The following DNALI1 variants were observed in gnomAD, a reference collection of about 807,000 sequenced individuals.
The protein encoded by DNALI1 is axonemal dynein light intermediate polypeptide 1.
DNALI1 carries 31 observed loss-of-function variants against 33.9 expected under a neutral mutation model. The observed-to-expected ratio is 0.91, with a 90% CI of 0.69 to 1.23. DNALI1 has a LOEUF of 1.23. Ranked by LOEUF, DNALI1 falls within the 50% of genes most tolerant of loss-of-function variation. The pLI, the probability that DNALI1 is intolerant of heterozygous loss-of-function variation, is 0.00. For missense variants in DNALI1, 305 were observed against 323.8 expected (o/e 0.94, Z 0.44); for synonymous variants, 117 against 129.2 (o/e 0.91, Z 0.64).
In DNALI1 at chr1:37,561,303, C is replaced by G. The variant is rs1255090177; in HGVS notation, c.398-254C>G. 1.8e-5 allele frequency: 8 copies of G among 452,278 alleles called. No homozygotes were observed. The highest frequency in any genetic ancestry group is 3.2e-5 in the Non-Finnish European group (8 of 251,148). 28.0% of individuals were successfully genotyped at this position (452,278 alleles called of 1,614,324 possible). ...CTGTAAACAAACCAGAGCCTCTTGT[C>G]TCCTTTGCTCTGGCCAACCCAGTCT... On this transcript the variant is annotated intron_variant, in intron 3 of 5. Coordinates refer to ENST00000652629, the MANE Select transcript of DNALI1 (RefSeq NM_003462.5). The surrounding 1 kb of genome is among the most constrained non-coding windows in gnomAD (Gnocchi z 4.6).
At position 37,562,327 on chromosome 1, in the gene DNALI1, A is replaced by G; in HGVS notation, c.741+82A>G. On this transcript the variant is annotated intron_variant, in intron 5 of 5. Transcript: ENST00000652629. The surrounding 1 kb of genome is among the most constrained non-coding windows in gnomAD (Gnocchi z 5.8). ...AGGCCAGGCATTCGGTTCCTTTTCC[A>G]TGGCTTTTAAATGTTTGTCCACATG... 2.7e-6 allele frequency: 4 copies of G among 1,508,204 alleles called. No individual in the cohort carries two copies. Among genetic ancestry groups the G allele is most frequent in the South Asian group, 1.3e-5 (1 of 79,692 alleles). The allele number at this position is 1,508,204 out of a possible 1,614,324, so 93.4% of individuals were successfully genotyped here.
At chr1:37,560,274 G>T (rs953449033) in intron 3 of DNALI1, among the ~76,000 whole-genome samples, 3 of 152,308 alleles carry the variant, frequency 2.0e-5, no homozygotes, top group Non-Finnish European at 4.4e-5. Context: ...GGACGGTCAG[G>T]TCTTTCCCAT....
chr1:37,559,204 G>T lies in DNALI1; in HGVS notation c.228-123G>T, dbSNP rs1643407022. On this transcript the variant is annotated intron_variant, in intron 2 of 5. Transcript: ENST00000652629. This position sits in a 1 kb window ranked among gnomAD's most constrained non-coding sequence, Gnocchi z 5.3. Reference sequence around the variant, plus strand: ...ACACCCCAAGGGATGGAGGATTCTGGTGGGTTGGTGGCAAAGCTGCCCCTC... The same window carrying T: ...ACACCCCAAGGGATGGAGGATTCTGTTGGGTTGGTGGCAAAGCTGCCCCTC... The T allele has an allele frequency of 8.0e-6, 8 of 1,003,882 alleles. No individual in the cohort carries two copies. The highest frequency in any genetic ancestry group is 2.8e-5 in the East Asian group (1 of 36,110). 62.2% of individuals were successfully genotyped at this position (1,003,882 alleles called of 1,614,324 possible).
intron 5 of DNALI1, among the ~76,000 whole-genome samples, chr1:37,563,866 G>A (rs189700861): frequency 3.3e-4 from 51 of 152,246 alleles, no homozygotes; most frequent in Admixed American, 5.9e-4. Context: ...CTAAAGATCT[G>A]TCCAGTATTA....
In DNALI1 at chr1:37,559,460, T is replaced by C; in HGVS notation, c.361T>C (p.Cys121Arg). The C allele has an allele frequency of 6.2e-7, 1 of 1,612,794 alleles. No individual in the cohort carries two copies. The highest frequency in any genetic ancestry group is 8.5e-7 in the Non-Finnish European group (1 of 1,179,564). ...QQRQARETGI[C>R]PVRRELYSQC... Reference sequence around the variant, plus strand: ...GCGGCAGGCCAGGGAAACAGGCATCTGCCCTGTCCGCAGGGAACTCTACTC... The same window carrying C: ...GCGGCAGGCCAGGGAAACAGGCATCCGCCCTGTCCGCAGGGAACTCTACTC... The change falls in exon 3 of 6, where the codon TGC becomes CGC. Residue 121 changes from cysteine (C) to arginine (R), a missense_variant. Cys to Arg is a radical substitution (Grantham distance 180, BLOSUM62 -3). Coordinates refer to ENST00000652629, the MANE Select transcript of DNALI1 (RefSeq NM_003462.5). The surrounding 1 kb of genome is among the most constrained non-coding windows in gnomAD (Gnocchi z 5.3).
Position 37,556,991 on chromosome 1 carries a change from C to T in DNALI1, c.-4C>T, listed in dbSNP as rs1376452841. On this transcript the variant is annotated 5_prime_UTR_variant, in exon 1 of 6. Transcript: ENST00000652629. Reference sequence around the variant, plus strand: ...GCTGCTGGGTTGCTACTCTCGCCTCCGCCATGATTCCGCCCGCAGACTCTT... The same window carrying T: ...GCTGCTGGGTTGCTACTCTCGCCTCTGCCATGATTCCGCCCGCAGACTCTT... The T allele has an allele frequency of 6.2e-6, 10 of 1,614,228 alleles. No homozygotes were observed. The highest frequency in any genetic ancestry group is 1.3e-5 in the African/African-American group (1 of 75,048).
At position 37,561,169 on chromosome 1, in the gene DNALI1, A is replaced by C. The variant is rs1013593359; in HGVS notation, c.398-388A>C. On this transcript the variant is annotated intron_variant, in intron 3 of 5. Transcript: ENST00000652629. This position sits in a 1 kb window ranked among gnomAD's most constrained non-coding sequence, Gnocchi z 4.6. ...AACCAGTGCAGCCAAGGGGGCACAC[A>C]GGATGTCCCAGCTGCTTTAAAACAG... is the stretch of plus-strand genomic sequence containing the variant. The C allele has an allele frequency of 1.0e-5, 2 of 198,886 alleles. No individual in the cohort carries two copies. The highest frequency in any genetic ancestry group is 1.0e-4 in the Admixed American group (2 of 19,428). 12.3% of individuals were successfully genotyped at this position (198,886 alleles called of 1,614,324 possible). A position where few individuals can be genotyped will look rare whatever the true frequency, so the allele number is the denominator to read the frequency against.
In DNALI1 at chr1:37,562,162, C is replaced by T. The variant is rs751524648; in HGVS notation, c.658C>T (p.Arg220Trp). 10 of 1,613,946 alleles carry T rather than the reference C, an allele frequency of 6.2e-6. No homozygotes were observed. The highest frequency in any genetic ancestry group is 4.4e-5 in the South Asian group (4 of 91,064). Reference protein sequence around the residue: ...QKAKCEATEKRESERRQVEEK... With the variant: ...QKAKCEATEKWESERRQVEEK... ...GGCAAAATGTGAAGCCACTGAGAAG[C>T]GGGAGAGCGAGAGGCGGCAGGTGGA... The change falls in exon 5 of 6, where the codon CGG becomes TGG. Residue 220 changes from arginine (R) to tryptophan (W), a missense_variant. Transcript: ENST00000652629. The surrounding 1 kb of genome is among the most constrained non-coding windows in gnomAD (Gnocchi z 5.8).
In DNALI1 at chr1:37,565,540, C is replaced by G; in HGVS notation, c.*479C>G. On this transcript the variant is annotated 3_prime_UTR_variant, in exon 6 of 6. Transcript: ENST00000652629. ...TTCTTTTCCCTACTCTAATGCATTT[C>G]TAACTCACTTTGGAGCTTTGGTTTT... 1 of 155,164 alleles carries G rather than the reference C, an allele frequency of 6.4e-6. No individual in the cohort carries two copies. The highest frequency in any genetic ancestry group is 1.9e-4 in the East Asian group (1 of 5,290). The allele number at this position is 155,164 out of a possible 1,614,324, so 9.6% of individuals were successfully genotyped here. A position where few individuals can be genotyped will look rare whatever the true frequency, so the allele number is the denominator to read the frequency against.
Position 37,559,582 on chromosome 1 carries a change from T to G in DNALI1, c.397+86T>G, listed in dbSNP as rs1643412090. 7.4e-7 allele frequency: 1 copy of G among 1,359,618 alleles called. No homozygotes were observed. The highest frequency in any genetic ancestry group is 1.5e-5 in the African/African-American group (1 of 66,948). The allele number at this position is 1,359,618 out of a possible 1,614,324, so 84.2% of individuals were successfully genotyped here. On this transcript the variant is annotated intron_variant, in intron 3 of 5. Transcript: ENST00000652629. This position sits in a 1 kb window ranked among gnomAD's most constrained non-coding sequence, Gnocchi z 5.3. ...CAGCACAGATCCAAGCCTGAGCACC[T>G]TGGAGCTGGAGCCCATCTCATGCTG... is the stretch of plus-strand genomic sequence containing the variant.
At chr1:37,560,229 C>T (rs1020163523) in intron 3 of DNALI1, among the ~76,000 whole-genome samples, 6 of 152,228 alleles carry the variant, frequency 3.9e-5, no homozygotes, top group African/African-American at 1.2e-4. Context: ...TACTAATCCT[C>T]CTCAGCACAG....
rs1046162027 is a variant in DNALI1, at chr1:37,562,983, C to T, written c.741+738C>T. ...CCCAGATCTACCAAATCAGAAAATT[C>T]GGGGTTGGGGTCCAGCAATGTGCTT... On this transcript the variant is annotated intron_variant, in intron 5 of 5. Coordinates refer to ENST00000652629, the MANE Select transcript of DNALI1 (RefSeq NM_003462.5). The surrounding 1 kb of genome is among the most constrained non-coding windows in gnomAD (Gnocchi z 5.8). Among the ~76,000 whole-genome samples, 3 of 152,184 alleles carry T rather than the reference C, an allele frequency of 2.0e-5. No individual in the cohort carries two copies. The highest frequency in any genetic ancestry group is 4.1e-4 in the South Asian group (2 of 4,834).
chr1:37,565,105 T>C lies in DNALI1; in HGVS notation c.*44T>C, dbSNP rs138654616. The C allele has an allele frequency of 2.0e-3, 3,178 of 1,605,038 alleles. 55 individuals carry two copies. The African/African-American group carries it at 0.038, about 19-fold the overall frequency. On this transcript the variant is annotated 3_prime_UTR_variant, in exon 6 of 6. Transcript: ENST00000652629. The stretch of plus-strand genomic sequence containing the variant: ...TTTCCAACAAGACACTTGGGAGTTA[T>C]TTACTGTGTTCCTCTGGCAGCCAAT...
rs551649434 is a variant in DNALI1, at chr1:37,566,126, G to A, written c.*1065G>A. 2.0e-5 allele frequency: 3 copies of A among 152,376 alleles called. No individual in the cohort carries two copies. The highest frequency in any genetic ancestry group is 2.1e-4 in the South Asian group (1 of 4,828). The allele number at this position is 152,376 out of a possible 1,614,324, so 9.4% of individuals were successfully genotyped here. ...TTAGCAGAGCTTCCACCTGCCATCC[G>A]TCTTGGGTTCAGTGAGCTTCAAGGC... On this transcript the variant is annotated 3_prime_UTR_variant, in exon 6 of 6. Coordinates refer to ENST00000652629, the MANE Select transcript of DNALI1 (RefSeq NM_003462.5).
chr1:37,557,833 C>T, intron 2 of DNALI1, 85 bp downstream of exon 2: 1 of 1,568,696 alleles, frequency 6.4e-7, no homozygotes, highest in Non-Finnish European at 8.7e-7. Context: ...CACTCTGCCT[C>T]TGTTCCTGGC....
At chr1:37,564,626 C>T (rs1643478729) in intron 5 of DNALI1, among the ~76,000 whole-genome samples, 1 of 152,154 alleles carries the variant, frequency 6.6e-6, no homozygotes, top group Non-Finnish European at 1.5e-5. Context: ...CACGATCCGC[C>T]CGCCTCAGCC....
At chr1:37,558,568 C>CA (rs1643400054) in intron 2 of DNALI1, among the ~76,000 whole-genome samples, 1 of 152,194 alleles carries the variant, frequency 6.6e-6, no homozygotes, top group African/African-American at 2.4e-5. Flanking sequence ...GTTTCTTGTT[C>CA]ACTGTGCTGA....
At chr1:37,557,162 G>C in intron 1 of DNALI1, 87 bp downstream of exon 1, 2 of 1,592,420 alleles carry the variant, frequency 1.3e-6, no homozygotes, top group Middle Eastern at 1.7e-4. Flanking sequence ...GGAATCTCAA[G>C]GGACGGGGAT....
At position 37,565,397 on chromosome 1, in the gene DNALI1, C is replaced by T. The variant is rs756816831; in HGVS notation, c.*336C>T. On this transcript the variant is annotated 3_prime_UTR_variant, in exon 6 of 6. Transcript: ENST00000652629. ...ACTGCTTTCTCATCATCACTCTATA[C>T]CAATACTTATTTCTGGCCAAATGAA... is the stretch of plus-strand genomic sequence containing the variant. The T allele has an allele frequency of 1.6e-5, 4 of 255,664 alleles. No homozygotes were observed. Among genetic ancestry groups the T allele is most frequent in the Non-Finnish European group, 3.0e-5 (4 of 134,646 alleles). 15.8% of individuals were successfully genotyped at this position (255,664 alleles called of 1,614,324 possible).
Sources: allele counts gnomAD v4.1 joint callset (sites outside exome capture counted in the v4.1 genomes callset), GRCh38; gene constraint gnomAD v4.1.1; non-coding constraint Gnocchi (gnomAD v3.1); transcripts MANE v1.5; gene names NCBI Gene and HGNC (gene_info 2026-07-23, HGNC 2026-07-21).